PUDP: variants seen among roughly 807,000 people sequenced by gnomAD.
The protein encoded by PUDP is pseudouridine 5'-phosphatase, also known as pseudouridine-5'-phosphatase.
In PUDP, 8 loss-of-function variants were observed where a neutral mutation model predicts 9.4. That is an observed-to-expected ratio of 0.85 (90% CI 0.50 to 1.53). The LOEUF (loss-of-function observed/expected upper bound fraction) is 1.53, where lower values mean the gene tolerates loss of function less well. Ranked by LOEUF, PUDP falls within the 40% of genes most tolerant of loss-of-function variation. The pLI, the probability that PUDP is intolerant of heterozygous loss-of-function variation, is 0.00. For synonymous variants in PUDP, 99 were observed against 80.7 expected, an observed-to-expected ratio of 1.23 and a Z score of -1.22; for missense variants, 188 against 189.7, an observed-to-expected ratio of 0.99 and a Z score of 0.05.
intron 2 of PUDP, among the ~76,000 whole-genome samples, chrX:7,101,631 G>A (rs1458016745): frequency 8.9e-6 from 1 of 112,042 alleles, no homozygotes; most frequent in East Asian, 2.8e-4. Flanking sequence ...AACAAAAAGT[G>A]TAGAAAGAAA....
chrX:6,898,641 C>G (rs1927627585), intron 3 of PUDP, among the ~76,000 whole-genome samples: 1 of 112,260 alleles, frequency 8.9e-6, no homozygotes. Context: ...TTCCACTCTG[C>G]CAGCTTAGCA....
chrX:6,720,166 GTA>G (rs201729887), intron 1 of PUDP, among the ~76,000 whole-genome samples: 11 of 99,050 alleles, frequency 1.1e-4, no homozygotes, highest in South Asian at 4.6e-4. Context: ...ATATATATGT[GTA>G]TATATATGTG....
intron 1 of PUDP, among the ~76,000 whole-genome samples, chrX:7,119,879 CAGG>C (rs1313799957): frequency 8.9e-6 from 1 of 111,849 alleles, no homozygotes; most frequent in African/African-American, 3.3e-5. Context: ...GTAAAGAAAA[CAGG>C]AGAAAAATTC....
At chrX:6,756,310 T>C (rs1925168836) in intron 3 of PUDP, among the ~76,000 whole-genome samples, 1 of 112,224 alleles carries the variant, frequency 8.9e-6, no homozygotes, top group Admixed American at 9.4e-5. Context: ...TTATAGTAGC[T>C]TAAAAGTGAA....
chrX:7,127,061 G>A (rs1187244196), intron 1 of PUDP, among the ~76,000 whole-genome samples: 3 of 111,967 alleles, frequency 2.7e-5, no homozygotes, highest in Non-Finnish European at 5.6e-5. Context: ...TATGCAGAGT[G>A]TACCTCTGGT....
intron 2 of PUDP, among the ~76,000 whole-genome samples, chrX:7,081,698 A>C (rs1931093454): frequency 8.8e-6 from 1 of 113,227 alleles, no homozygotes; most frequent in Non-Finnish European, 1.9e-5. Flanking sequence ...GACCACAGTC[A>C]GAGATTACGG....
chrX:6,981,616 A>G (rs1381154527), intron 1 of PUDP, among the ~76,000 whole-genome samples: 1 of 111,533 alleles, frequency 9.0e-6, no homozygotes, highest in Non-Finnish European at 1.9e-5. Flanking sequence ...TTTAAAAGTT[A>G]TTTTTTCATT....
chrX:7,060,526 A>G (rs575211914), intron 3 of PUDP, among the ~76,000 whole-genome samples: 2 of 112,268 alleles, frequency 1.8e-5, no homozygotes, highest in African/African-American at 6.5e-5. Flanking sequence ...AAATGTTTCC[A>G]GAAGTGCTGC....
At chrX:6,892,991 G>A (rs1927537815) in intron 3 of PUDP, among the ~76,000 whole-genome samples, 1 of 111,695 alleles carries the variant, frequency 9.0e-6, no homozygotes, top group African/African-American at 3.3e-5. Flanking sequence ...AGGCTGTGCT[G>A]ATTTATATAC....
At chrX:7,056,311 G>A (rs930046485) in intron 3 of PUDP, among the ~76,000 whole-genome samples, 11 of 111,559 alleles carry the variant, frequency 9.9e-5, no homozygotes, top group African/African-American at 3.6e-4. Flanking sequence ...TTTCTAGCAG[G>A]GCTCCTGCAC....
intron 1 of PUDP, among the ~76,000 whole-genome samples, chrX:7,004,387 A>C (rs966965162): frequency 9.0e-6 from 1 of 111,354 alleles, no homozygotes; most frequent in Non-Finnish European, 1.9e-5. Context: ...CCCTGCTCAC[A>C]GCCAGATCTG....
intron 3 of PUDP, among the ~76,000 whole-genome samples, chrX:6,971,420 T>C (rs1260501040): frequency 9.2e-6 from 1 of 108,341 alleles, no homozygotes; most frequent in Admixed American, 9.9e-5. Flanking sequence ...TTTTTTCTTT[T>C]CTTTTTTTTT....
chrX:7,141,157 T>C (rs946502890), intron 1 of PUDP, among the ~76,000 whole-genome samples: 1 of 112,303 alleles, frequency 8.9e-6, no homozygotes, highest in Admixed American at 9.4e-5. Flanking sequence ...GTCACACATC[T>C]CTCACTTTAA....
intron 3 of PUDP, among the ~76,000 whole-genome samples, chrX:6,760,221 T>A (rs1201895453): frequency 9.0e-6 from 1 of 110,971 alleles, no homozygotes; most frequent in South Asian, 3.8e-4. Context: ...CAACTGGGAG[T>A]GAATTTGTCC....
At position 6,873,481 on chromosome X, in the gene PUDP, G is replaced by A. The variant is rs372479651; in HGVS notation, c.*247+103652C>T. On this transcript the variant is annotated intron_variant and NMD_transcript_variant, in intron 3 of 3. Coordinates refer to the PUDP transcript ENST00000655425. The stretch of plus-strand genomic sequence containing the variant: ...ACTGAGTAGTTCGCCCTGAAACCAC[G>A]AACAGGATTTCATTGACTAAATCTA... Among the ~76,000 whole-genome samples the A allele has an allele frequency of 2.2e-3, 250 of 111,816 alleles. 1 individual carries two copies. The highest frequency in any genetic ancestry group is 6.1e-3 in the African/African-American group (187 of 30,863).
At chrX:7,079,079 C>T (rs1275323774) in intron 2 of PUDP, among the ~76,000 whole-genome samples, 1 of 112,083 alleles carries the variant, frequency 8.9e-6, no homozygotes, top group Non-Finnish European at 1.9e-5. Context: ...ATGTTGTCTA[C>T]AGAAACCTAC....
At chrX:6,865,680 C>T (rs969370122) in intron 3 of PUDP, among the ~76,000 whole-genome samples, 9 of 111,401 alleles carry the variant, frequency 8.1e-5, no homozygotes, top group African/African-American at 2.6e-4. Flanking sequence ...ATGGAGCATT[C>T]CCTCAGATGC....
intron 3 of PUDP, among the ~76,000 whole-genome samples, chrX:6,866,346 A>G (rs1459348104): frequency 9.0e-6 from 1 of 110,923 alleles, no homozygotes; most frequent in African/African-American, 3.3e-5. Flanking sequence ...ATAGAAAAGT[A>G]AATTCAAATA....
At chrX:6,791,173 T>C (rs1925740706) in intron 3 of PUDP, among the ~76,000 whole-genome samples, 2 of 109,519 alleles carry the variant, frequency 1.8e-5, no homozygotes, top group Non-Finnish European at 3.8e-5. Flanking sequence ...CTGGGCAACA[T>C]GGTGAGACCC....
Sources: gnomAD v4.1 joint callset for allele counts (sites outside exome capture counted in the v4.1 genomes callset) on GRCh38, gnomAD v4.1.1 for gene constraint, MANE v1.5 for transcripts, NCBI Gene and HGNC (gene_info 2026-07-23, HGNC 2026-07-21) for gene names.